ITM2C: variants seen among roughly 807,000 people sequenced by gnomAD.
ITM2C encodes BRICHOS domain containing 2C.
ITM2C carries 20 observed loss-of-function variants against 30.0 expected under a neutral mutation model. The observed-to-expected ratio is 0.67, with a 90% CI of 0.47 to 0.97. ITM2C has a LOEUF of 0.97. Among genes scored for constraint, ITM2C ranks in the 50% least tolerant of loss-of-function variants. The probability of loss-of-function intolerance (pLI) is 0.00; values close to 1 mark genes in which losing one functional copy is unlikely to be tolerated. For missense variants in ITM2C, 366 were observed against 371.9 expected (o/e 0.98, Z 0.13); for synonymous variants, 167 against 156.4 (o/e 1.07, Z -0.51).
chr2:230,869,757 T>C (rs1248080585), intron 1 of ITM2C, among the ~76,000 whole-genome samples: 9 of 152,202 alleles, frequency 5.9e-5, no homozygotes. Flanking sequence ...GGTTTCCCCC[T>C]GACCATTTTG....
chr2:230,873,393 C>A, intron 1 of ITM2C, 24 bp from the exon 2 acceptor site: 1 of 1,516,916 alleles, frequency 6.6e-7, no homozygotes, highest in East Asian at 2.4e-5. Context: ...CTGGCCCCCA[C>A]TGACCCAGCA....
chr2:230,875,481 A>G, intron 2 of ITM2C, 139 bp from the exon 3 acceptor site: 1 of 670,746 alleles, frequency 1.5e-6, no homozygotes, highest in South Asian at 2.2e-5. Flanking sequence ...CATCTGCGAA[A>G]TGGGTCTCAC....
At chr2:230,864,825 G>C, upstream of ITM2C, 1 of 467,238 alleles carries the variant, frequency 2.1e-6, no homozygotes, top group Non-Finnish European at 3.1e-6. The surrounding 1 kb of genome is among the most constrained non-coding windows in gnomAD (Gnocchi z 4.3). Flanking sequence ...TGCGGGCCCC[G>C]CGGGCGGGAA....
intron 2 of ITM2C, among the ~76,000 whole-genome samples, chr2:230,874,156 C>T (rs1048804222): frequency 3.3e-5 from 5 of 152,200 alleles, no homozygotes; most frequent in Admixed American, 6.5e-5. Flanking sequence ...GATAAACCTA[C>T]GTACAACTCA....
At chr2:230,870,860 C>T (rs1051963374) in intron 1 of ITM2C, among the ~76,000 whole-genome samples, 4 of 151,456 alleles carry the variant, frequency 2.6e-5, no homozygotes, top group East Asian at 3.9e-4. Flanking sequence ...TCCCACGTAG[C>T]GCTTTGACTT....
At chr2:230,864,909 G>A, upstream of ITM2C, 1 of 1,213,926 alleles carries the variant, frequency 8.2e-7, no homozygotes, top group South Asian at 2.8e-5. The surrounding 1 kb of genome is among the most constrained non-coding windows in gnomAD (Gnocchi z 4.3). Context: ...TGGGGTTAGA[G>A]AGAGGGACGC....
Position 230,877,373 on chromosome 2 carries a change from C to CA in ITM2C, c.562-26dup, listed in dbSNP as rs757404711. ...TGGACGAAAGCCTGAGGGGCCGACT[C>CA]ACTGTGGCGGCCACCTTGTTTTGCA... is the stretch of plus-strand genomic sequence containing the variant. On this transcript the variant is annotated intron_variant, in intron 4 of 5. Transcript: ENST00000326427. This position sits in a 1 kb window ranked among gnomAD's most constrained non-coding sequence, Gnocchi z 4.8. 6.2e-7 allele frequency: 1 copy of CA among 1,610,722 alleles called. No homozygotes were observed. The highest frequency in any genetic ancestry group is 8.5e-7 in the Non-Finnish European group (1 of 1,177,864).
rs2125026469 is a variant in ITM2C, at chr2:230,877,496, C to T, written c.658C>T (p.His220Tyr). The part of the protein sequence containing the change: ...DKEALGSFIY[H>Y]LCNGKDTYRL... ...GGAGGCCCTGGGGTCCTTCATCTAC[C>T]ACCTGTGCAACGGGAAAGACACCTA... is the stretch of plus-strand genomic sequence containing the variant. The change falls in exon 5 of 6, where the codon CAC becomes TAC. Residue 220 changes from histidine (H) to tyrosine (Y), a missense_variant. Transcript: ENST00000326427. The surrounding 1 kb of genome is among the most constrained non-coding windows in gnomAD (Gnocchi z 4.8). 1.9e-6 allele frequency: 3 copies of T among 1,614,072 alleles called. No homozygotes were observed. Among genetic ancestry groups the T allele is most frequent in the South Asian group, 1.1e-5 (1 of 91,086 alleles).
chr2:230,869,101 C>A (rs1697101955), intron 1 of ITM2C, among the ~76,000 whole-genome samples: 1 of 152,248 alleles, frequency 6.6e-6, no homozygotes, highest in Non-Finnish European at 1.5e-5. Context: ...CACAGAGGCA[C>A]AACCTGGCCA....
chr2:230,865,060 G>T lies in ITM2C; in HGVS notation c.35G>T (p.Gly12Val). 2.0e-6 allele frequency: 3 copies of T among 1,529,176 alleles called. No individual in the cohort carries two copies. In the South Asian group the frequency reaches 3.7e-5, roughly 19 times the overall value. 94.7% of individuals were successfully genotyped at this position (1,529,176 alleles called of 1,614,324 possible). The change falls in exon 1 of 6, where the codon GGC becomes GTC. Residue 12 changes from glycine (G) to valine (V), a missense_variant. Physicochemically the swap from Gly to Val is moderately radical, Grantham distance 109. Coordinates refer to ENST00000326427, the MANE Select transcript of ITM2C (RefSeq NM_030926.6). This position sits in a 1 kb window ranked among gnomAD's most constrained non-coding sequence, Gnocchi z 6.8. ...ATTAGCTTCCAGCCCGCCGTGGCTG[G>T]CATCAAGGGCGACAAGGCTGACAAG... ...VKISFQPAVAGIKGDKADKAS... is the reference protein window; with the variant it reads ...VKISFQPAVAVIKGDKADKAS...
At chr2:230,867,668 A>AT (rs60130875) in intron 1 of ITM2C, among the ~76,000 whole-genome samples, 28 of 105,232 alleles carry the variant, frequency 2.7e-4, no homozygotes, top group African/African-American at 5.3e-4. Flanking sequence ...ATTTTATTTT[A>AT]TTTTTTTTTT....
chr2:230,865,061 C>T lies in ITM2C; in HGVS notation c.36C>T (p.Gly12=), dbSNP rs1248732397. The change falls in exon 1 of 6, where the codon GGC becomes GGT. Residue 12 remains glycine, a synonymous_variant. Transcript: ENST00000326427. The surrounding 1 kb of genome is among the most constrained non-coding windows in gnomAD (Gnocchi z 6.8). ...VKISFQPAVA[G]IKGDKADKAS... ...TTAGCTTCCAGCCCGCCGTGGCTGG[C>T]ATCAAGGGCGACAAGGCTGACAAGG... 33 of 1,534,316 alleles carry T rather than the reference C, an allele frequency of 2.2e-5. 1 individual carries two copies. The East Asian group carries it at 8.0e-4, about 37-fold the overall frequency.
At chr2:230,864,356 A>C (rs138036925), upstream of ITM2C, among the ~76,000 whole-genome samples, 586 of 152,264 alleles carry the variant, frequency 3.8e-3, 3 homozygotes, top group African/African-American at 0.013. This position sits in a 1 kb window ranked among gnomAD's most constrained non-coding sequence, Gnocchi z 4.3. Context: ...TTGCAGGAAT[A>C]AAGAATGAAG....
At position 230,877,185 on chromosome 2, in the gene ITM2C, G is replaced by GT. The variant is rs1469554819; in HGVS notation, c.562-214dup. Reference sequence around the variant, plus strand: ...CAATGCCCCGAGACCGGCTTCCTTAGTGTTCAAGGTTGTACCCTGGGTACG... The same window carrying GT: ...CAATGCCCCGAGACCGGCTTCCTTAGTTGTTCAAGGTTGTACCCTGGGTACG... On this transcript the variant is annotated intron_variant, in intron 4 of 5. Coordinates refer to ENST00000326427, the MANE Select transcript of ITM2C (RefSeq NM_030926.6). This position sits in a 1 kb window ranked among gnomAD's most constrained non-coding sequence, Gnocchi z 4.8. Among the ~76,000 whole-genome samples the GT allele has an allele frequency of 6.6e-6, 1 of 152,192 alleles. No individual in the cohort carries two copies. Among genetic ancestry groups the GT allele is most frequent in the African/African-American group, 2.4e-5 (1 of 41,438 alleles).
chr2:230,871,273 TGTCAGG>T (rs1300685046), intron 1 of ITM2C, among the ~76,000 whole-genome samples: 1 of 152,244 alleles, frequency 6.6e-6, no homozygotes, highest in African/African-American at 2.4e-5. Context: ...GCCTGGCCTG[TGTCAGG>T]GTCAGCCACC....
In ITM2C at chr2:230,875,730, G is replaced by C; in HGVS notation, c.372G>C (p.Glu124Asp). ...AGGATGTGAAAATCTACCTCGACGA[G>C]AACTACGAGCGCATCAACGTGCCTG... ...LEEDVKIYLD[E>D]NYERINVPVP... Residue 124 changes from glutamate to aspartate, a missense_variant, in exon 3 of 6, where the codon GAG (glutamate) becomes GAC (aspartate). Coordinates refer to ENST00000326427, the MANE Select transcript of ITM2C (RefSeq NM_030926.6). 6.2e-7 allele frequency: 1 copy of C among 1,612,164 alleles called. No homozygotes were observed. Among genetic ancestry groups the C allele is most frequent in the Non-Finnish European group, 8.5e-7 (1 of 1,179,220 alleles).
At chr2:230,866,327 C>G (rs954775280) in intron 1 of ITM2C, among the ~76,000 whole-genome samples, 2 of 152,228 alleles carry the variant, frequency 1.3e-5, no homozygotes, top group African/African-American at 4.8e-5. Context: ...CGCCTAGCCC[C>G]CTCCCCAGGT....
At chr2:230,869,038 G>A (rs1223742686) in intron 1 of ITM2C, among the ~76,000 whole-genome samples, 4 of 152,210 alleles carry the variant, frequency 2.6e-5, no homozygotes. Flanking sequence ...TCAGCAGATT[G>A]CCAGTGAGGA....
At chr2:230,864,586 T>G (rs556082550), upstream of ITM2C, 1 of 152,764 alleles carries the variant, frequency 6.5e-6, no homozygotes, top group South Asian at 2.1e-4. The surrounding 1 kb of genome is among the most constrained non-coding windows in gnomAD (Gnocchi z 4.3). Flanking sequence ...TGCATTTGCC[T>G]GGCAAACACT....
Sources: gnomAD v4.1 joint callset for allele counts (sites outside exome capture counted in the v4.1 genomes callset) on GRCh38, gnomAD v4.1.1 for gene constraint, Gnocchi (gnomAD v3.1) non-coding constraint, MANE v1.5 for transcripts, NCBI Gene and HGNC (gene_info 2026-07-23, HGNC 2026-07-21) for gene names.